SMPDL3A: variants seen among roughly 807,000 people sequenced by gnomAD.
SMPDL3A encodes cyclic GMP-AMP phosphodiesterase SMPDL3A.
A neutral mutation model predicts 38.5 loss-of-function variants in SMPDL3A; 39 were observed. The observed-to-expected ratio is 1.01, with a 90% CI of 0.78 to 1.32. The LOEUF (loss-of-function observed/expected upper bound fraction) is 1.32, where lower values mean the gene tolerates loss of function less well. Ranked by LOEUF, SMPDL3A falls within the 40% of genes most tolerant of loss-of-function variation. The probability of loss-of-function intolerance (pLI) is 0.00; values close to 1 mark genes in which losing one functional copy is unlikely to be tolerated. For synonymous variants in SMPDL3A, 180 were observed against 194.3 expected (o/e 0.93, Z 0.61); for missense variants, 502 against 536.2 (o/e 0.94, Z 0.63).
At chr6:122,794,596 C>CA (rs946928587) in intron 1 of SMPDL3A, among the ~76,000 whole-genome samples, 37 of 151,502 alleles carry the variant, frequency 2.4e-4, no homozygotes, top group Middle Eastern at 3.4e-3. Context: ...GACTCCATCT[C>CA]AAAAAAAACA....
Position 122,806,298 on chromosome 6 carries a change from C to T in SMPDL3A, c.985C>T (p.Gln329Ter). ...VTPVKSVLEKQTNNPGIRLFQ... is the reference protein window; with the variant it reads ...VTPVKSVLEK ...ACCAGTGAAGAGTGTTTTAGAAAAA[C>T]AGACCAACAATCCTGGTATCAGACT... Residue 329 changes from glutamine to a stop codon, truncating the protein, a stop_gained, in exon 7 of 8, where the codon CAG (glutamine) becomes TAG (stop). Coordinates refer to ENST00000368440, the MANE Select transcript of SMPDL3A (RefSeq NM_006714.5). LOFTEE classifies it high-confidence loss of function. 6.2e-7 allele frequency: 1 copy of T among 1,613,288 alleles called. No individual in the cohort carries two copies. The highest frequency in any genetic ancestry group is 1.1e-5 in the South Asian group (1 of 90,992).
At position 122,795,735 on chromosome 6, in the gene SMPDL3A, C is replaced by T. The variant is rs1781226224; in HGVS notation, c.171C>T (p.Asp57=). 12 of 1,614,022 alleles carry T rather than the reference C, an allele frequency of 7.4e-6. No homozygotes were observed. Among genetic ancestry groups the T allele is most frequent in the Non-Finnish European group, 9.3e-6 (11 of 1,180,008 alleles). ...HLDPTYHITD[D]HTKVCASSKG... ...ACCCTACTTACCACATCACAGATGA[C>T]CACACAAAAGTGTGTGCTTCATCTA... The change falls in exon 2 of 8, where the codon GAC becomes GAT. Residue 57 remains aspartate (D), a synonymous_variant. Transcript: ENST00000368440.
At chr6:122,800,074 TC>T (rs1416097580) in intron 3 of SMPDL3A, among the ~76,000 whole-genome samples, 5 of 151,586 alleles carry the variant, frequency 3.3e-5, no homozygotes, top group African/African-American at 7.3e-5. Flanking sequence ...GCTCAAGCTG[TC>T]CTCCTGGCTT....
chr6:122,806,254 T>G lies in SMPDL3A; in HGVS notation c.941T>G (p.Phe314Cys), dbSNP rs760013390. ...DKKGSPVNSL[F>C]VAPAVTPVKS... ...TCAGGAAGTCCAGTAAATTCTTTGT[T>G]TGTGGCTCCTGCTGTTACACCAGTG... The change falls in exon 7 of 8, where the codon TTT becomes TGT. Residue 314 changes from phenylalanine to cysteine, a missense_variant. Phe to Cys is a radical substitution (Grantham distance 205, BLOSUM62 -2). Transcript: ENST00000368440. The G allele has an allele frequency of 6.2e-7, 1 of 1,612,836 alleles. No individual in the cohort carries two copies. The highest frequency in any genetic ancestry group is 1.1e-5 in the South Asian group (1 of 90,816).
At chr6:122,792,970 T>C (rs1204609048) in intron 1 of SMPDL3A, among the ~76,000 whole-genome samples, 1 of 152,232 alleles carries the variant, frequency 6.6e-6, no homozygotes, top group Non-Finnish European at 1.5e-5. Flanking sequence ...CAATGTGGAC[T>C]CTGGAGTCAG....
chr6:122,790,829 G>A (rs1057502118), intron 1 of SMPDL3A, among the ~76,000 whole-genome samples: 1 of 152,172 alleles, frequency 6.6e-6, no homozygotes, highest in Non-Finnish European at 1.5e-5. Context: ...GTGTTTTAAA[G>A]AGGCCTGAAT....
chr6:122,789,515 C>A (rs1780991258), intron 1 of SMPDL3A, 57 bp downstream of exon 1: 7 of 1,426,546 alleles, frequency 4.9e-6, no homozygotes, highest in Non-Finnish European at 6.8e-6. Flanking sequence ...AGCGGCGGCG[C>A]CTGCGCACAG....
chr6:122,792,560 A>G (rs1355663227), intron 1 of SMPDL3A, among the ~76,000 whole-genome samples: 1 of 151,850 alleles, frequency 6.6e-6, no homozygotes, highest in Non-Finnish European at 1.5e-5. Flanking sequence ...GAATATGTTT[A>G]TAGTCTCTTT....
At chr6:122,789,805 G>T (rs1238168523) in intron 1 of SMPDL3A, 1 of 984,036 alleles carries the variant, frequency 1.0e-6, no homozygotes, top group African/African-American at 1.7e-5. Context: ...AAAGCTGCGG[G>T]ACTCAAGGGA....
intron 6 of SMPDL3A, among the ~76,000 whole-genome samples, chr6:122,805,681 C>A (rs1781588411): frequency 6.6e-6 from 1 of 152,076 alleles, no homozygotes; most frequent in African/African-American, 2.4e-5. Context: ...TGGAGCGCAC[C>A]CTGCGATCTC....
chr6:122,798,566 A>G (rs1781327314), intron 3 of SMPDL3A, among the ~76,000 whole-genome samples: 1 of 152,206 alleles, frequency 6.6e-6, no homozygotes, highest in African/African-American at 2.4e-5. Flanking sequence ...CATAGAAGCT[A>G]GAAATACCTA....
intron 2 of SMPDL3A, 111 bp from the exon 3 acceptor site, chr6:122,796,713 G>A: frequency 1.4e-6 from 1 of 728,416 alleles, no homozygotes; most frequent in Non-Finnish European, 2.1e-6. Context: ...GCTGTAATCT[G>A]CTGTTTTAAA....
At chr6:122,797,917 G>A (rs1207021961) in intron 3 of SMPDL3A, among the ~76,000 whole-genome samples, 2 of 152,158 alleles carry the variant, frequency 1.3e-5, no homozygotes, top group African/African-American at 4.8e-5. Context: ...TCCCTTGGGA[G>A]CAGAGCCCAT....
At chr6:122,803,984 C>CTT (rs112270814) in intron 5 of SMPDL3A, 151 bp downstream of exon 5, 2,785 of 499,704 alleles carry the variant, frequency 5.6e-3, no homozygotes, top group Non-Finnish European at 6.8e-3. Flanking sequence ...GATTTTCTTT[C>CTT]TTTTTTTTTT....
At position 122,807,181 on chromosome 6, in the gene SMPDL3A, G is replaced by A. The variant is rs139616108; in HGVS notation, c.1044+824G>A. Reference sequence around the variant, plus strand: ...CTTCCAAATTGCTGGTATTACAGATGTGAGCCACTGGGCACACCCAAAAAA... The same window carrying A: ...CTTCCAAATTGCTGGTATTACAGATATGAGCCACTGGGCACACCCAAAAAA... On this transcript the variant is annotated intron_variant, in intron 7 of 7. Coordinates refer to ENST00000368440, the MANE Select transcript of SMPDL3A (RefSeq NM_006714.5). Among the ~76,000 whole-genome samples, 220 of 151,914 alleles carry A rather than the reference G, an allele frequency of 1.4e-3. 1 individual carries two copies. The highest frequency in any genetic ancestry group is 5.2e-3 in the African/African-American group (214 of 41,414).
chr6:122,803,384 G>T (rs535809921), intron 4 of SMPDL3A, among the ~76,000 whole-genome samples: 1 of 152,250 alleles, frequency 6.6e-6, no homozygotes, highest in South Asian at 2.1e-4. Context: ...ATTGCTTACT[G>T]CCGAAACACT....
intron 5 of SMPDL3A, 104 bp from the exon 6 acceptor site, chr6:122,804,805 A>T (rs12213549): frequency 0.3 from 278,312 of 932,424 alleles, 43,996 homozygotes; most frequent in Non-Finnish European, 0.33. Flanking sequence ...TTGCTTTCTA[A>T]ATTTTAATTA....
At chr6:122,804,801 T>G in intron 5 of SMPDL3A, 108 bp from the exon 6 acceptor site, 2 of 893,486 alleles carry the variant, frequency 2.2e-6, no homozygotes, top group Non-Finnish European at 3.4e-6. Flanking sequence ...ATATTTGCTT[T>G]CTAAATTTTA....
intron 4 of SMPDL3A, among the ~76,000 whole-genome samples, 199 bp from the exon 5 acceptor site, chr6:122,803,465 G>C (rs1781491531): frequency 6.6e-6 from 1 of 152,170 alleles, no homozygotes; most frequent in African/African-American, 2.4e-5. Context: ...ATAGCACGGG[G>C]CCTGGCACCA....
Sources: gnomAD v4.1 joint callset for allele counts (sites outside exome capture counted in the v4.1 genomes callset) on GRCh38, gnomAD v4.1.1 for gene constraint, MANE v1.5 for transcripts, NCBI Gene and HGNC (gene_info 2026-07-23, HGNC 2026-07-21) for gene names.